PCDHA6: variants seen among roughly 807,000 people sequenced by gnomAD.
PCDHA6 encodes protocadherin alpha 6, also known as protocadherin alpha-6.
PCDHA6 carries 55 observed loss-of-function variants against 60.3 expected under a neutral mutation model. That is an observed-to-expected ratio of 0.91 (90% CI 0.73 to 1.14). The LOEUF (loss-of-function observed/expected upper bound fraction) is 1.14, where lower values mean the gene tolerates loss of function less well. Among genes scored for constraint, PCDHA6 ranks in the 50% most tolerant of loss-of-function variants. The probability of loss-of-function intolerance (pLI) is 0.00; values close to 1 mark genes in which losing one functional copy is unlikely to be tolerated. For missense variants in PCDHA6, 1,327 were observed against 1,256.5 expected, an observed-to-expected ratio of 1.06 and a Z score of -0.85; for synonymous variants, 652 against 557.9, an observed-to-expected ratio of 1.17 and a Z score of -2.38.
intron 1 of PCDHA6, chr5:140,851,191 T>C: frequency 8.2e-7 from 1 of 1,215,936 alleles, no homozygotes; most frequent in South Asian, 3.0e-5. Context: ...ACCAATTTAG[T>C]TGTTAGTCAT....
intron 1 of PCDHA6, among the ~76,000 whole-genome samples, chr5:140,940,057 A>G (rs2092538975): frequency 6.6e-6 from 1 of 152,224 alleles, no homozygotes; most frequent in African/African-American, 2.4e-5. Flanking sequence ...TTCTTAACCA[A>G]ATATAAATAT....
intron 1 of PCDHA6, among the ~76,000 whole-genome samples, chr5:140,960,799 A>C (rs2095571237): frequency 6.6e-6 from 1 of 152,170 alleles, no homozygotes; most frequent in Non-Finnish European, 1.5e-5. Flanking sequence ...TTTCTATTAA[A>C]ATAAGAGGTC....
At chr5:140,876,455 C>T (rs1554168573) in intron 1 of PCDHA6, 1 of 1,613,874 alleles carries the variant, frequency 6.2e-7, no homozygotes, top group African/African-American at 1.3e-5. Flanking sequence ...AAAGGGATTC[C>T]TTCCATGGCA....
chr5:140,869,176 G>C lies in PCDHA6; in HGVS notation c.2394+38691G>C, dbSNP rs200962401. The C allele has an allele frequency of 2.8e-5, 45 of 1,613,986 alleles. No individual in the cohort carries two copies. The East Asian group carries it at 9.6e-4, about 34-fold the overall frequency. On this transcript the variant is annotated intron_variant, in intron 1 of 3. Coordinates refer to ENST00000529310, the MANE Select transcript of PCDHA6 (RefSeq NM_018909.4). Reference sequence around the variant, plus strand: ...CTGGCTTCTCCTCCTCGAATTCTGGGAGGTGGGGAGCGGCCAGCTCCACTA... The same window carrying C: ...CTGGCTTCTCCTCCTCGAATTCTGGCAGGTGGGGAGCGGCCAGCTCCACTA...
chr5:140,871,234 G>T (rs1554165295), intron 1 of PCDHA6: 3 of 1,613,844 alleles, frequency 1.9e-6, no homozygotes, highest in Non-Finnish European at 2.5e-6. Flanking sequence ...CAGCCTCCTG[G>T]TACTCACGCT....
intron 1 of PCDHA6, among the ~76,000 whole-genome samples, chr5:140,946,530 C>T (rs2093957873): frequency 6.6e-6 from 1 of 150,514 alleles, no homozygotes; most frequent in African/African-American, 2.5e-5. Context: ...CTCCCATGTT[C>T]ATTGCAGCAT....
chr5:140,989,665 T>C (rs2097353443), intron 3 of PCDHA6, among the ~76,000 whole-genome samples: 1 of 152,190 alleles, frequency 6.6e-6, no homozygotes, highest in Non-Finnish European at 1.5e-5. Context: ...TAAAAGAAAC[T>C]CTGCCCAGAT....
rs782251882 is a variant in PCDHA6 at position 140,869,140 on chromosome 5, C to T, written c.2394+38655C>T. 4 of 1,613,188 alleles carry T rather than the reference C, an allele frequency of 2.5e-6. No homozygotes were observed. In the South Asian group the frequency reaches 3.3e-5, roughly 13 times the overall value. On this transcript the variant is annotated intron_variant, in intron 1 of 3. Coordinates refer to ENST00000529310, the MANE Select transcript of PCDHA6 (RefSeq NM_018909.4). ...TCAGAGAAGGGGATTGGGCACCCCA[C>T]GACTACAGCTCTGGCTTCTCCTCCT...
chr5:140,850,004 G>C lies in PCDHA6; in HGVS notation c.2394+19519G>C. On this transcript the variant is annotated intron_variant, in intron 1 of 3. Transcript: ENST00000529310. Reference sequence around the variant, plus strand: ...TGGAGCGGCGGTTGGGCGAGCGCTCGCTGTCGAGCTACGTGTCAGTGCACG... The same window carrying C: ...TGGAGCGGCGGTTGGGCGAGCGCTCCCTGTCGAGCTACGTGTCAGTGCACG... 3 of 1,596,990 alleles carry C rather than the reference G, an allele frequency of 1.9e-6. 1 individual carries two copies. Among genetic ancestry groups the C allele is most frequent in the Non-Finnish European group, 2.6e-6 (3 of 1,167,858 alleles).
chr5:140,909,397 G>C (rs564100527), intron 1 of PCDHA6, among the ~76,000 whole-genome samples: 1 of 152,320 alleles, frequency 6.6e-6, no homozygotes, highest in East Asian at 1.9e-4. Flanking sequence ...TACAGCAGCT[G>C]CAATTGCAGT....
At chr5:141,005,470 G>A (rs1563690887) in intron 3 of PCDHA6, among the ~76,000 whole-genome samples, 1 of 151,836 alleles carries the variant, frequency 6.6e-6, no homozygotes, top group South Asian at 2.1e-4. Context: ...TTGGGAGGCC[G>A]AGACGGGCGG....
chr5:140,851,284 A>G, intron 1 of PCDHA6: 1 of 1,040,350 alleles, frequency 9.6e-7, no homozygotes, highest in East Asian at 5.3e-5. Context: ...TTTATAAGAA[A>G]CCCAAGCAAA....
At chr5:140,855,486 GTC>G (rs2150336982) in intron 1 of PCDHA6, among the ~76,000 whole-genome samples, 1 of 149,948 alleles carries the variant, frequency 6.7e-6, no homozygotes, top group South Asian at 2.1e-4. Context: ...TGACATTAGT[GTC>G]TAAATAAACC....
intron 1 of PCDHA6, chr5:140,857,428 G>C (rs782142394): frequency 1.9e-6 from 3 of 1,598,342 alleles, no homozygotes; most frequent in East Asian, 2.2e-5. Context: ...CCGAGTACAC[G>C]GTGTTCGTGA....
intron 1 of PCDHA6, among the ~76,000 whole-genome samples, chr5:140,973,587 C>T (rs2096594455): frequency 6.6e-6 from 1 of 152,194 alleles, no homozygotes; most frequent in African/African-American, 2.4e-5. Flanking sequence ...ACTGCTGAGC[C>T]AGATGGAATT....
At chr5:140,904,110 T>C (rs556511949) in intron 1 of PCDHA6, among the ~76,000 whole-genome samples, 2 of 152,218 alleles carry the variant, frequency 1.3e-5, no homozygotes, top group Non-Finnish European at 2.9e-5. Context: ...TGGTCATTGC[T>C]GAGATTTTGG....
intron 1 of PCDHA6, among the ~76,000 whole-genome samples, chr5:140,895,558 A>G (rs1449174455): frequency 6.6e-6 from 1 of 152,154 alleles, no homozygotes; most frequent in Non-Finnish European, 1.5e-5. Context: ...AGTTCTTTAT[A>G]TATTCTAGAT....
chr5:140,849,491 T>C (rs1554142975), intron 1 of PCDHA6: 1 of 1,592,292 alleles, frequency 6.3e-7, no homozygotes, highest in African/African-American at 1.4e-5. Context: ...CCCTGGCTGG[T>C]CATTGTACAC....
chr5:141,010,199 T>G lies in PCDHA6; in HGVS notation c.*262T>G. On this transcript the variant is annotated 3_prime_UTR_variant, in exon 4 of 4. Coordinates refer to ENST00000529310, the MANE Select transcript of PCDHA6 (RefSeq NM_018909.4). Reference sequence around the variant, plus strand: ...AAGCAGACCCAAGTTTCCTTTCTCCTCCGCCGCAAAGGAGAGGCTTCCCAG... The same window carrying G: ...AAGCAGACCCAAGTTTCCTTTCTCCGCCGCCGCAAAGGAGAGGCTTCCCAG... The G allele has an allele frequency of 1.3e-6, 2 of 1,551,990 alleles. No homozygotes were observed. Among genetic ancestry groups the G allele is most frequent in the South Asian group, 1.2e-5 (1 of 84,106 alleles).
Sources: allele counts gnomAD v4.1 joint callset (sites outside exome capture counted in the v4.1 genomes callset), GRCh38; gene constraint gnomAD v4.1.1; transcripts MANE v1.5; gene names NCBI Gene and HGNC (gene_info 2026-07-23, HGNC 2026-07-21).